Variants in PRKRIP1 observed in about 807,000 individuals in gnomAD.
PRKRIP1 encodes the protein PRKR interacting protein 1.
Under a neutral mutation model 29.3 loss-of-function variants are expected in PRKRIP1, and 29 were observed. The ratio of observed to expected loss-of-function variants is 0.99; its 90% confidence interval spans 0.74 to 1.35. The LOEUF is 1.35. Among genes scored for constraint, PRKRIP1 ranks in the 40% most tolerant of loss-of-function variants. The pLI is 0.00. For missense variants in PRKRIP1, 247 were observed against 236.8 expected (o/e 1.04, Z -0.28); for synonymous variants, 90 against 85.1 (o/e 1.06, Z -0.32).
intron 5 of PRKRIP1, among the ~76,000 whole-genome samples, chr7:102,419,845 T>TTGTGTGTGTGTGTGTGTG (rs56752508): frequency 2.1e-5 from 3 of 142,718 alleles, no homozygotes; most frequent in African/African-American, 8.2e-5. Flanking sequence ...TTTTGTGTTT[T>TTGTGTGTGTGTGTGTGTG]TGTGTGTGTG....
intron 1 of PRKRIP1, among the ~76,000 whole-genome samples, chr7:102,397,289 A>G (rs1004700823): frequency 6.6e-6 from 1 of 152,150 alleles, no homozygotes; most frequent in Non-Finnish European, 1.5e-5. Flanking sequence ...CCTGCCTGTA[A>G]TTTCAGCGCT....
At chr7:102,410,748 T>A (rs918906372) in intron 5 of PRKRIP1, among the ~76,000 whole-genome samples, 1 of 152,160 alleles carries the variant, frequency 6.6e-6, no homozygotes, top group African/African-American at 2.4e-5. Context: ...AGGAGCAGAT[T>A]TTTGGAGGCC....
rs1586671425 is a variant in PRKRIP1 at position 102,397,547 on chromosome 7, A to T, written c.127-73A>T. 1.1e-5 allele frequency: 13 copies of T among 1,237,372 alleles called. No homozygotes were observed. The East Asian group carries it at 3.1e-4, about 29-fold the overall frequency. 76.6% of individuals were successfully genotyped at this position (1,237,372 alleles called of 1,614,324 possible). On this transcript the variant is annotated intron_variant, in intron 1 of 5. Transcript: ENST00000397912. Reference sequence around the variant, plus strand: ...AGGAACAGAGCAAGAACCTGTCTCTAAAAAAAGAGAGGGAGATATATAATT... The same window carrying T: ...AGGAACAGAGCAAGAACCTGTCTCTTAAAAAAGAGAGGGAGATATATAATT...
intron 1 of PRKRIP1, among the ~76,000 whole-genome samples, chr7:102,397,130 T>C (rs1158456419): frequency 1.3e-5 from 2 of 152,120 alleles, no homozygotes; most frequent in African/African-American, 2.4e-5. Flanking sequence ...GACTGTGTTA[T>C]ACCCAAGAGT....
intron 3 of PRKRIP1, among the ~76,000 whole-genome samples, chr7:102,404,127 C>T (rs1287988759): frequency 6.6e-6 from 1 of 152,220 alleles, no homozygotes. Context: ...TGTGCCACTG[C>T]ACTCCAGCCT....
In PRKRIP1 at chr7:102,400,246, G is replaced by A. The variant is rs140095178; in HGVS notation, c.306+598G>A. 1.6e-4 allele frequency among the ~76,000 whole-genome samples: 24 copies of A among 152,110 alleles called. No homozygotes were observed. In the East Asian group the frequency reaches 4.1e-3, roughly 26 times the overall value. ...AATTGCTGGAACGTGGGAGGTGGAGGTTGCAGTGAGCCTAGATTGCACCAT... is the reference window on the plus strand; with the variant it reads ...AATTGCTGGAACGTGGGAGGTGGAGATTGCAGTGAGCCTAGATTGCACCAT... On this transcript the variant is annotated intron_variant, in intron 3 of 5. Coordinates refer to ENST00000397912, the MANE Select transcript of PRKRIP1 (RefSeq NM_024653.4).
At chr7:102,398,581 G>A (rs968999582) in intron 2 of PRKRIP1, among the ~76,000 whole-genome samples, 4 of 152,048 alleles carry the variant, frequency 2.6e-5, no homozygotes, top group Admixed American at 6.6e-5. Context: ...CACAGTGCCC[G>A]GCCATCTCCT....
Position 102,425,068 on chromosome 7 carries a change from C to T in PRKRIP1, c.512C>T (p.Thr171Ile). 6.2e-7 allele frequency: 1 copy of T among 1,613,652 alleles called. No homozygotes were observed. Among genetic ancestry groups the T allele is most frequent in the Non-Finnish European group, 8.5e-7 (1 of 1,179,946 alleles). The stretch of plus-strand genomic sequence containing the variant: ...AGCAGCTCTGCGGAGGCATCTGGAA[C>T]AGAGGAGGAGGAGGAAGTGCCCAGT... ...GSSSSAEASGTEEEEEVPSFT... is the reference protein window; with the variant it reads ...GSSSSAEASGIEEEEEVPSFT... The change falls in exon 6 of 6, where the codon ACA becomes ATA. Residue 171 changes from threonine (T) to isoleucine (I), a missense_variant. Around this residue, in one of 3 missense-constraint regions of PRKRIP1, gnomAD observed 134 missense variants for 126.6 expected, o/e 1.06. Coordinates refer to ENST00000397912, the MANE Select transcript of PRKRIP1 (RefSeq NM_024653.4).
rs1047998 is a variant in PRKRIP1 at position 102,425,204 on chromosome 7, C to T, written c.*93C>T. 369,035 of 1,530,320 alleles carry T rather than the reference C, an allele frequency of 0.24. 45,558 individuals are homozygous for T. The highest frequency in any genetic ancestry group is 0.33 in the Middle Eastern group (1,762 of 5,274). 94.8% of individuals were successfully genotyped at this position (1,530,320 alleles called of 1,614,324 possible). On this transcript the variant is annotated 3_prime_UTR_variant, in exon 6 of 6. Transcript: ENST00000397912. ...TGGCTCTTTCTCCCCCGCAAGGACC[C>T]GCTGACCCGCTGGATGGAGAGCAAA... is the stretch of plus-strand genomic sequence containing the variant.
intron 5 of PRKRIP1, among the ~76,000 whole-genome samples, chr7:102,410,565 GC>G (rs1231842158): frequency 6.6e-6 from 1 of 152,136 alleles, no homozygotes; most frequent in Non-Finnish European, 1.5e-5. Context: ...TGGCAGGGGG[GC>G]TCTTGGTTTT....
At chr7:102,422,528 G>A (rs1358582745) in intron 5 of PRKRIP1, among the ~76,000 whole-genome samples, 2 of 152,024 alleles carry the variant, frequency 1.3e-5, no homozygotes, top group East Asian at 1.9e-4. Flanking sequence ...TTTTAGTAGA[G>A]ACGGGGTTTC....
At chr7:102,416,765 G>A (rs1796560206) in intron 5 of PRKRIP1, among the ~76,000 whole-genome samples, 1 of 150,004 alleles carries the variant, frequency 6.7e-6, no homozygotes, top group African/African-American at 2.5e-5. Context: ...CTGCAGCCTC[G>A]AACTTCTGGG....
chr7:102,414,142 A>G (rs1227806010), intron 5 of PRKRIP1, among the ~76,000 whole-genome samples: 2 of 152,086 alleles, frequency 1.3e-5, no homozygotes, highest in Admixed American at 1.3e-4. Flanking sequence ...CAGGAGAATC[A>G]CTTGAACCCA....
At chr7:102,401,232 A>G (rs7385225) in intron 3 of PRKRIP1, among the ~76,000 whole-genome samples, 144,405 of 152,246 alleles carry the variant, frequency 0.95, 68,918 homozygotes, top group East Asian at 1. Flanking sequence ...TGGATAGATC[A>G]ATAGGTGTGT....
At chr7:102,424,757 C>T (rs530190988) in intron 5 of PRKRIP1, among the ~76,000 whole-genome samples, 21 of 152,230 alleles carry the variant, frequency 1.4e-4, no homozygotes, top group Admixed American at 5.9e-4. Flanking sequence ...TATGGGGTGT[C>T]GGGTCTTGCG....
At chr7:102,423,127 T>A (rs1554573986) in intron 5 of PRKRIP1, 1 of 453,636 alleles carries the variant, frequency 2.2e-6, no homozygotes, top group Non-Finnish European at 4.4e-6. Flanking sequence ...GCTCTTTTTT[T>A]TTTTTGAGAC....
In PRKRIP1 at chr7:102,416,329, A is replaced by G. The variant is rs370512723; in HGVS notation, c.458-8685A>G. 1.9e-4 allele frequency among the ~76,000 whole-genome samples: 29 copies of G among 152,354 alleles called. 1 individual carries two copies. In the East Asian group the frequency reaches 4.6e-3, roughly 24 times the overall value. ...TTAACTTCCTAAATTAACCTGGTACATTGGTCACAGTGTGTGAACCCACAT... is the reference window on the plus strand; with the variant it reads ...TTAACTTCCTAAATTAACCTGGTACGTTGGTCACAGTGTGTGAACCCACAT... On this transcript the variant is annotated intron_variant, in intron 5 of 5. Transcript: ENST00000397912.
chr7:102,401,097 A>G (rs1223519708), intron 3 of PRKRIP1, among the ~76,000 whole-genome samples: 1 of 152,188 alleles, frequency 6.6e-6, no homozygotes, highest in African/African-American at 2.4e-5. Context: ...TAGTGGAGGA[A>G]TAGATGTATG....
At chr7:102,416,421 T>C (rs1344642671) in intron 5 of PRKRIP1, among the ~76,000 whole-genome samples, 2 of 152,218 alleles carry the variant, frequency 1.3e-5, no homozygotes, top group African/African-American at 4.8e-5. Flanking sequence ...GCTGCCCTTT[T>C]CTTGCTCCAG....
Sources: allele counts gnomAD v4.1 joint callset (sites outside exome capture counted in the v4.1 genomes callset), GRCh38; gene constraint gnomAD v4.1.1; regional missense constraint gnomAD v4.1.1; transcripts MANE v1.5; gene names NCBI Gene and HGNC (gene_info 2026-07-23, HGNC 2026-07-21).